CBLB: variants seen among roughly 807,000 people sequenced by gnomAD.
The protein encoded by CBLB is E3 ubiquitin-protein ligase CBL-B.
CBLB carries 31 observed loss-of-function variants against 104.9 expected under a neutral mutation model. The observed-to-expected ratio is 0.30, with a 90% CI of 0.22 to 0.40. CBLB has a LOEUF of 0.40. Ranked by LOEUF, CBLB falls within the 10% of genes least tolerant of loss-of-function variation. CBLB has a pLI of 1.00. For missense variants in CBLB, 1,062 were observed against 1,214.6 expected, an observed-to-expected ratio of 0.87 and a Z score of 1.87; for synonymous variants, 440 against 422.6, an observed-to-expected ratio of 1.04 and a Z score of -0.51.
intron 3 of CBLB, among the ~76,000 whole-genome samples, chr3:105,797,392 C>A (rs1264795315): frequency 6.6e-6 from 1 of 152,040 alleles, no homozygotes; most frequent in African/African-American, 2.4e-5. Context: ...TAGTTCTCTC[C>A]AAGAACACAT....
chr3:105,786,060 T>TCGGGG (rs1553794588), intron 3 of CBLB, among the ~76,000 whole-genome samples: 74 of 3,148 alleles, frequency 0.024, 2 homozygotes, highest in African/African-American at 0.056. Context: ...TGTGAGAGGA[T>TCGGGG]CGGGGGGGGG....
chr3:105,741,445 G>C (rs1403725876), intron 6 of CBLB, among the ~76,000 whole-genome samples: 2 of 145,574 alleles, frequency 1.4e-5, no homozygotes, highest in East Asian at 2.0e-4. Context: ...GCCCATGCTG[G>C]AGTGCAGTGG....
intron 6 of CBLB, among the ~76,000 whole-genome samples, chr3:105,742,379 C>G (rs1277241164): frequency 1.3e-5 from 2 of 152,052 alleles, no homozygotes; most frequent in Non-Finnish European, 2.9e-5. Context: ...GTAATTTCAT[C>G]TTTGGACAAA....
At chr3:105,809,901 A>C (rs1397526428) in intron 3 of CBLB, among the ~76,000 whole-genome samples, 1 of 152,224 alleles carries the variant, frequency 6.6e-6, no homozygotes, top group Non-Finnish European at 1.5e-5. Context: ...GTGAGAAAAA[A>C]AGATGGGACA....
intron 3 of CBLB, among the ~76,000 whole-genome samples, chr3:105,798,824 G>C (rs1045969415): frequency 1.3e-5 from 2 of 152,094 alleles, no homozygotes; most frequent in African/African-American, 4.8e-5. Context: ...CTGCAGCCTA[G>C]ATGTCAAAAT....
rs188459519 is a variant in CBLB, at chr3:105,831,164, G to A, written c.419+22250C>T. On this transcript the variant is annotated intron_variant, in intron 3 of 18. Transcript: ENST00000394030. ...AGCAGAAGAGAAAAAGTGTAAAAATGAAAACACAATCCTTCAATTCCTCCA... is the reference window on the plus strand; with the variant it reads ...AGCAGAAGAGAAAAAGTGTAAAAATAAAAACACAATCCTTCAATTCCTCCA... 3.9e-4 allele frequency among the ~76,000 whole-genome samples: 59 copies of A among 152,290 alleles called. No homozygotes were observed. In the Middle Eastern group the frequency reaches 0.014, roughly 35 times the overall value.
chr3:105,829,009 C>T (rs1204165919), intron 3 of CBLB, among the ~76,000 whole-genome samples: 1 of 151,844 alleles, frequency 6.6e-6, no homozygotes. Context: ...ATATAATTTG[C>T]CACAATTCTT....
intron 12 of CBLB, among the ~76,000 whole-genome samples, chr3:105,695,810 A>C (rs2068296386): frequency 6.6e-6 from 1 of 151,730 alleles, no homozygotes; most frequent in Non-Finnish European, 1.5e-5. Flanking sequence ...AATTTAGGCC[A>C]CACTGGGCCT....
chr3:105,799,177 C>CAAAAAAAAAAA (rs11372400), intron 3 of CBLB, among the ~76,000 whole-genome samples: 1 of 70,198 alleles, frequency 1.4e-5, no homozygotes, highest in African/African-American at 4.6e-5. Flanking sequence ...TGACAAAGAA[C>CAAAAAAAAAAA]AAAAAAAAAA....
At chr3:105,795,812 C>G (rs368031281) in intron 3 of CBLB, among the ~76,000 whole-genome samples, 1 of 152,160 alleles carries the variant, frequency 6.6e-6, no homozygotes, top group African/African-American at 2.4e-5. Context: ...GGCGCCATCT[C>G]GGCTCACTGC....
intron 3 of CBLB, among the ~76,000 whole-genome samples, chr3:105,831,018 TTTA>T (rs2087428419): frequency 2.0e-5 from 3 of 152,188 alleles, no homozygotes; most frequent in Non-Finnish European, 2.9e-5. Flanking sequence ...AACCTTGTCA[TTTA>T]AATACGAAAT....
intron 3 of CBLB, among the ~76,000 whole-genome samples, chr3:105,800,593 T>G (rs1024212207): frequency 6.6e-6 from 1 of 152,116 alleles, no homozygotes; most frequent in Non-Finnish European, 1.5e-5. Context: ...CTTATTGAAA[T>G]AGCAAGGTTT....
At chr3:105,709,872 A>C (rs1343865396) in intron 10 of CBLB, among the ~76,000 whole-genome samples, 1 of 151,940 alleles carries the variant, frequency 6.6e-6, no homozygotes, top group Non-Finnish European at 1.5e-5. Context: ...TGTGATAATT[A>C]CCATTACACA....
At chr3:105,695,675 T>C (rs2068275088) in intron 12 of CBLB, among the ~76,000 whole-genome samples, 1 of 151,878 alleles carries the variant, frequency 6.6e-6, no homozygotes, top group Admixed American at 6.6e-5. Context: ...GTTACTGATG[T>C]ATAGTAACTA....
intron 10 of CBLB, among the ~76,000 whole-genome samples, chr3:105,708,925 T>G (rs1190617789): frequency 6.6e-6 from 1 of 151,942 alleles, no homozygotes; most frequent in African/African-American, 2.4e-5. Flanking sequence ...TCTATTATAT[T>G]ATCTCCAAAT....
chr3:105,774,063 C>A (rs2079179466), intron 4 of CBLB, among the ~76,000 whole-genome samples: 1 of 152,174 alleles, frequency 6.6e-6, no homozygotes, highest in Non-Finnish European at 1.5e-5. Flanking sequence ...AGAAGTAGGA[C>A]CTTCAAGAGG....
At chr3:105,666,455 A>C (rs908060065) in intron 18 of CBLB, among the ~76,000 whole-genome samples, 1 of 152,156 alleles carries the variant, frequency 6.6e-6, no homozygotes, top group Non-Finnish European at 1.5e-5. Context: ...TAGGAGGCTG[A>C]GGTGGGCAGA....
intron 3 of CBLB, among the ~76,000 whole-genome samples, chr3:105,810,968 C>T (rs2084211438): frequency 6.6e-6 from 1 of 152,032 alleles, no homozygotes; most frequent in Non-Finnish European, 1.5e-5. Context: ...TGTTTAAAAT[C>T]CATTAGTTCT....
chr3:105,681,653 G>C (rs1023168354), intron 15 of CBLB, 43 bp from the exon 16 acceptor site: 2 of 1,612,604 alleles, frequency 1.2e-6, no homozygotes, highest in African/African-American at 2.7e-5. Flanking sequence ...CAGTACAATG[G>C]CATGAAATTT....
Sources: gnomAD v4.1 joint callset for allele counts (sites outside exome capture counted in the v4.1 genomes callset) on GRCh38, gnomAD v4.1.1 for gene constraint, MANE v1.5 for transcripts, NCBI Gene and HGNC (gene_info 2026-07-23, HGNC 2026-07-21) for gene names.